GRAMD1B: variants seen among roughly 807,000 people sequenced by gnomAD.
GRAMD1B encodes the protein protein Aster-B.
Under a neutral mutation model 99.7 loss-of-function variants are expected in GRAMD1B, and 37 were observed. The observed-to-expected ratio is 0.37, with a 90% CI of 0.29 to 0.49. The LOEUF is 0.49. Among genes scored for constraint, GRAMD1B ranks in the 20% least tolerant of loss-of-function variants. The probability of loss-of-function intolerance (pLI) is 0.98; values close to 1 mark genes in which losing one functional copy is unlikely to be tolerated. For missense variants in GRAMD1B, 888 were observed against 1,009.2 expected (o/e 0.88, Z 1.63); for synonymous variants, 427 against 387.6 (o/e 1.10, Z -1.19).
At chr11:123,569,629 T>C (rs1947831458) in intron 2 of GRAMD1B, among the ~76,000 whole-genome samples, 1 of 152,224 alleles carries the variant, frequency 6.6e-6, no homozygotes, top group Non-Finnish European at 1.5e-5. Flanking sequence ...GTGGCTCTCC[T>C]CTCTCAGCCA....
chr11:123,380,085 G>A (rs1225340008), intron 1 of GRAMD1B, among the ~76,000 whole-genome samples: 1 of 152,166 alleles, frequency 6.6e-6, no homozygotes, highest in East Asian at 1.9e-4. Context: ...CAAGTCTCTT[G>A]TCAAATATAT....
At chr11:123,537,808 C>T (rs1008424115) in intron 2 of GRAMD1B, among the ~76,000 whole-genome samples, 1 of 152,156 alleles carries the variant, frequency 6.6e-6, no homozygotes, top group African/African-American at 2.4e-5. Context: ...CTCCTTTTTA[C>T]AAAAATCTGT....
intron 2 of GRAMD1B, among the ~76,000 whole-genome samples, chr11:123,513,616 T>TCCTTCCTTCCTC (rs1941352668): frequency 7.8e-6 from 1 of 128,326 alleles, no homozygotes; most frequent in South Asian, 2.6e-4. Context: ...CTTCCTTCCT[T>TCCTTCCTTCCTC]CCTTTCTTTC....
At chr11:123,475,914 T>C (rs1282187263) in intron 1 of GRAMD1B, among the ~76,000 whole-genome samples, 1 of 152,124 alleles carries the variant, frequency 6.6e-6, no homozygotes, top group Non-Finnish European at 1.5e-5. Context: ...CTGGTAGGTT[T>C]ATTTAGGGAG....
rs186264209 is a variant in GRAMD1B at position 123,602,745 on chromosome 11, A to T, written c.1051-681A>T. On this transcript the variant is annotated intron_variant, in intron 8 of 19. Coordinates refer to ENST00000635736, the MANE Select transcript of GRAMD1B (RefSeq NM_001387025.1). Reference sequence around the variant, plus strand: ...TGTTTTTTTGGGAGGACACATAGGCACCCGGTGAAATAAGAAAACACTGGA... The same window carrying T: ...TGTTTTTTTGGGAGGACACATAGGCTCCCGGTGAAATAAGAAAACACTGGA... 5.4e-4 allele frequency among the ~76,000 whole-genome samples: 82 copies of T among 152,136 alleles called. 1 individual carries two copies. Among genetic ancestry groups the T allele is most frequent in the South Asian group, 1.0e-3 (5 of 4,826 alleles).
chr11:123,368,275 A>AG (rs746890856), intron 1 of GRAMD1B, among the ~76,000 whole-genome samples: 1 of 127,146 alleles, frequency 7.9e-6, no homozygotes, highest in Non-Finnish European at 1.5e-5. Flanking sequence ...AAAAAAAAAA[A>AG]AAAGAAAGAA....
chr11:123,398,113 TCA>T (rs1947531846), intron 1 of GRAMD1B, among the ~76,000 whole-genome samples: 7 of 152,250 alleles, frequency 4.6e-5, no homozygotes. Context: ...GTGAAATTGC[TCA>T]GTCGTATAGT....
intron 2 of GRAMD1B, among the ~76,000 whole-genome samples, chr11:123,539,296 A>G (rs1944277294): frequency 6.6e-6 from 1 of 151,964 alleles, no homozygotes; most frequent in Admixed American, 6.6e-5. Context: ...AACATTACCA[A>G]CGCTTCTTCA....
In GRAMD1B at chr11:123,613,455, A is replaced by G. The variant is rs773095404; in HGVS notation, c.2024A>G (p.Glu675Gly). The change falls in exon 16 of 20, where the codon GAG becomes GGG. Residue 675 changes from glutamate (E) to glycine (G), a missense_variant and splice_region_variant. Glu to Gly is a moderately conservative substitution (Grantham distance 98). This residue lies in a region of GRAMD1B where 232 missense variants were observed against 261.7 expected (regional missense o/e 0.89). Transcript: ENST00000635736. ...SGLEDYFRHL[E>G]SELAKTESTY... The stretch of plus-strand genomic sequence containing the variant: ...CCTGTGGTCCTTTTGTCTCTGATAG[A>G]GAGCGAGCTGGCCAAAACGGAGAGC... 1 of 1,606,572 alleles carries G rather than the reference A, an allele frequency of 6.2e-7. No individual in the cohort carries two copies. Among genetic ancestry groups the G allele is most frequent in the East Asian group, 2.2e-5 (1 of 44,662 alleles).
chr11:123,618,463 C>T, intron 17 of GRAMD1B: 1 of 992,848 alleles, frequency 1.0e-6, no homozygotes, highest in Non-Finnish European at 1.6e-6. Context: ...TCTCTCCTTT[C>T]TAGTGCCTTC....
At chr11:123,454,985 G>A (rs1468024859) in intron 1 of GRAMD1B, among the ~76,000 whole-genome samples, 1 of 152,150 alleles carries the variant, frequency 6.6e-6, no homozygotes, top group African/African-American at 2.4e-5. Flanking sequence ...GCTTTAACTT[G>A]TTATATCTGA....
chr11:123,488,277 A>G (rs1459626357), intron 2 of GRAMD1B, among the ~76,000 whole-genome samples: 1 of 152,164 alleles, frequency 6.6e-6, no homozygotes, highest in African/African-American at 2.4e-5. Flanking sequence ...CACTGAGTCT[A>G]TAGCACCAGG....
At chr11:123,465,080 GT>G (rs1950600935) in intron 1 of GRAMD1B, among the ~76,000 whole-genome samples, 1 of 152,126 alleles carries the variant, frequency 6.6e-6, no homozygotes, top group South Asian at 2.1e-4. Context: ...TTAGATACAG[GT>G]TTGGGAGTGA....
chr11:123,598,787 C>G, intron 7 of GRAMD1B: 1 of 965,840 alleles, frequency 1.0e-6, no homozygotes, highest in Non-Finnish European at 1.7e-6. Context: ...AGATCCCATT[C>G]TCCCATTTCT....
Position 123,447,208 on chromosome 11 carries a change from T to C in GRAMD1B, c.374+16042T>C, listed in dbSNP as rs112556472. Among the ~76,000 whole-genome samples, 1,022 of 152,296 alleles carry C rather than the reference T, an allele frequency of 6.7e-3. 13 individuals carry two copies. Among genetic ancestry groups the C allele is most frequent in the African/African-American group, 0.023 (946 of 41,558 alleles). On this transcript the variant is annotated intron_variant, in intron 1 of 19. Coordinates refer to ENST00000635736, the MANE Select transcript of GRAMD1B (RefSeq NM_001387025.1). ...AAATCTTCACCTATTTCACTCACACTCAGCTGCCACCTGTCAGCACCTGTT... is the reference window on the plus strand; with the variant it reads ...AAATCTTCACCTATTTCACTCACACCCAGCTGCCACCTGTCAGCACCTGTT...
At chr11:123,414,310 G>A (rs1412549428) in intron 1 of GRAMD1B, among the ~76,000 whole-genome samples, 1 of 152,158 alleles carries the variant, frequency 6.6e-6, no homozygotes, top group African/African-American at 2.4e-5. Context: ...CTCCCAAAGT[G>A]TTGGGATTAC....
At chr11:123,450,933 A>T (rs1352104405) in intron 1 of GRAMD1B, among the ~76,000 whole-genome samples, 1 of 152,148 alleles carries the variant, frequency 6.6e-6, no homozygotes, top group Non-Finnish European at 1.5e-5. Context: ...ATCCAGTGTA[A>T]TGAAAGCCTG....
chr11:123,529,841 A>C (rs1321826987), intron 2 of GRAMD1B, among the ~76,000 whole-genome samples: 1 of 152,150 alleles, frequency 6.6e-6, no homozygotes, highest in Non-Finnish European at 1.5e-5. Context: ...AGGACTAGGC[A>C]GACTGTAGTG....
At chr11:123,405,272 A>G (rs1022641736) in intron 1 of GRAMD1B, among the ~76,000 whole-genome samples, 2 of 152,012 alleles carry the variant, frequency 1.3e-5, no homozygotes, top group Non-Finnish European at 2.9e-5. Flanking sequence ...CTAGCAGTCC[A>G]TCTGTTCACA....
Sources: allele counts gnomAD v4.1 joint callset (sites outside exome capture counted in the v4.1 genomes callset), GRCh38; gene constraint gnomAD v4.1.1; regional missense constraint gnomAD v4.1.1; transcripts MANE v1.5; gene names NCBI Gene and HGNC (gene_info 2026-07-23, HGNC 2026-07-21).